CFAP73: variants seen among roughly 807,000 people sequenced by gnomAD.
CFAP73 encodes the protein cilia and flagella associated protein 73.
CFAP73 carries 33 observed loss-of-function variants against 42.9 expected under a neutral mutation model. That is an observed-to-expected ratio of 0.77 (90% CI 0.58 to 1.03). The LOEUF is 1.03. Among genes scored for constraint, CFAP73 ranks in the 50% least tolerant of loss-of-function variants. CFAP73 has a pLI of 0.00. For synonymous variants in CFAP73, 162 were observed against 186.8 expected (o/e 0.87, Z 1.08); for missense variants, 392 against 411.9 (o/e 0.95, Z 0.42).
At chr12:113,153,061 G>A in intron 3 of CFAP73, 147 bp from the exon 4 acceptor site, 1 of 940,146 alleles carries the variant, frequency 1.1e-6, no homozygotes, top group South Asian at 1.8e-5. Context: ...AAAGCGGGCG[G>A]GGGAGTTGGG....
intron 2 of CFAP73, among the ~76,000 whole-genome samples, chr12:113,152,365 A>G (rs1952071895): frequency 6.6e-6 from 1 of 152,146 alleles, no homozygotes; most frequent in African/African-American, 2.4e-5. Flanking sequence ...CTACCTCCCC[A>G]TGGGGGTGGT....
intron 4 of CFAP73, 58 bp downstream of exon 4, chr12:113,153,466 A>G: frequency 7.5e-7 from 1 of 1,325,708 alleles, no homozygotes; most frequent in Non-Finnish European, 9.7e-7. Flanking sequence ...TGAGTGGCTC[A>G]GGGACGGCTT....
At position 113,154,509 on chromosome 12, in the gene CFAP73, G is replaced by A; in HGVS notation, c.564G>A (p.Leu188=). The change falls in exon 5 of 8, where the codon CTG becomes CTA. Residue 188 remains leucine (L), a synonymous_variant. Transcript: ENST00000335621. This position sits in a 1 kb window ranked among gnomAD's most constrained non-coding sequence, Gnocchi z 4.7. The part of the protein sequence containing the change: ...RLREREQLAE[L]EAARARLQQL... ...GGGAGCGCGAGCAGCTCGCGGAGCT[G>A]GAGGCGGCGCGAGCGCGGCTGCAGC... is the stretch of plus-strand genomic sequence containing the variant. 2 of 1,524,652 alleles carry A rather than the reference G, an allele frequency of 1.3e-6. No homozygotes were observed. Among genetic ancestry groups the A allele is most frequent in the African/African-American group, 1.4e-5 (1 of 69,956 alleles). The allele number at this position is 1,524,652 out of a possible 1,614,324, so 94.4% of individuals were successfully genotyped here.
chr12:113,152,708 G>A (rs1566087665), intron 2 of CFAP73, 75 bp from the exon 3 acceptor site: 1 of 1,014,740 alleles, frequency 9.9e-7, no homozygotes, highest in Non-Finnish European at 1.5e-6. Flanking sequence ...GGTGGAAGGG[G>A]TTAGGTGTGA....
intron 6 of CFAP73, 34 bp from the exon 7 acceptor site, chr12:113,157,568 G>T: frequency 6.5e-7 from 1 of 1,543,210 alleles, no homozygotes. Flanking sequence ...GTGACTCTGG[G>T]GCTGGGATGT....
rs768451631 is a variant in CFAP73 at position 113,153,453 on chromosome 12, CGCT to C, written c.468+47_468+49del. The C allele has an allele frequency of 3.9e-4, 525 of 1,359,188 alleles. 6 individuals carry two copies. Among genetic ancestry groups the C allele is most frequent in the Non-Finnish European group, 9.7e-5 (102 of 1,055,860 alleles). 84.2% of individuals were successfully genotyped at this position (1,359,188 alleles called of 1,614,324 possible). On this transcript the variant is annotated intron_variant, in intron 4 of 7. Coordinates refer to ENST00000335621, the MANE Select transcript of CFAP73 (RefSeq NM_001144872.3). ...CTGGGAGCTCGGCGCCACCGCGTGG[CGCT>C]GAGTGGCTCAGGGACGGCTTCGGAC...
In CFAP73 at chr12:113,158,855, C is replaced by A; in HGVS notation, c.*166C>A. 6.4e-7 allele frequency: 1 copy of A among 1,569,828 alleles called. No homozygotes were observed. The highest frequency in any genetic ancestry group is 8.7e-7 in the Non-Finnish European group (1 of 1,152,260). The stretch of plus-strand genomic sequence containing the variant: ...GCCCACCCTAAGGCCAATCAAGGAG[C>A]CACGGGGCTGGGTCCTGGTCCTCAC... On this transcript the variant is annotated 3_prime_UTR_variant, in exon 8 of 8. Transcript: ENST00000335621. The surrounding 1 kb of genome is among the most constrained non-coding windows in gnomAD (Gnocchi z 4.9).
intron 2 of CFAP73, among the ~76,000 whole-genome samples, chr12:113,152,487 T>C (rs1952072986): frequency 6.6e-6 from 1 of 152,122 alleles, no homozygotes. Flanking sequence ...AGGAAAACCA[T>C]ACACAAAGAC....
intron 1 of CFAP73, 53 bp from the exon 2 acceptor site, chr12:113,151,865 G>T: frequency 7.8e-7 from 1 of 1,276,272 alleles, no homozygotes; most frequent in South Asian, 1.3e-5. Flanking sequence ...GGTGAGATGT[G>T]GGGCCCTGAA....
intron 6 of CFAP73, among the ~76,000 whole-genome samples, chr12:113,155,953 A>G (rs1458964194): frequency 3.4e-5 from 5 of 145,120 alleles, no homozygotes; most frequent in African/African-American, 1.3e-4. Context: ...TTTGAGACAG[A>G]GTCTAGTTCT....
intron 6 of CFAP73, among the ~76,000 whole-genome samples, chr12:113,156,420 C>T (rs574263503): frequency 9.7e-4 from 147 of 151,736 alleles, no homozygotes; most frequent in African/African-American, 3.4e-3. Context: ...TCTTAAGACA[C>T]GAGTCTGCCA....
intron 5 of CFAP73, 45 bp from the exon 6 acceptor site, chr12:113,155,215 C>T (rs1324906820): frequency 1.4e-6 from 2 of 1,477,368 alleles, no homozygotes; most frequent in Admixed American, 2.4e-5. Flanking sequence ...GGCAGCCCGC[C>T]TTGGCCCAGT....
intron 1 of CFAP73, among the ~76,000 whole-genome samples, chr12:113,151,372 C>T (rs1325864729): frequency 6.6e-6 from 1 of 152,174 alleles, no homozygotes; most frequent in Non-Finnish European, 1.5e-5. Context: ...ATCCCAGCTA[C>T]TTGGGAGGCT....
In CFAP73 at chr12:113,158,854, GC is replaced by G. The variant is rs1952167810; in HGVS notation, c.*167del. 6.4e-7 allele frequency: 1 copy of G among 1,569,068 alleles called. No individual in the cohort carries two copies. The highest frequency in any genetic ancestry group is 8.7e-7 in the Non-Finnish European group (1 of 1,151,944). ...TGCCCACCCTAAGGCCAATCAAGGA[GC>G]CACGGGGCTGGGTCCTGGTCCTCAC... On this transcript the variant is annotated 3_prime_UTR_variant, in exon 8 of 8. Coordinates refer to ENST00000335621, the MANE Select transcript of CFAP73 (RefSeq NM_001144872.3). The surrounding 1 kb of genome is among the most constrained non-coding windows in gnomAD (Gnocchi z 4.9).
rs775014742 is a variant in CFAP73, at chr12:113,158,900, CCTT to C, written c.*215_*217del. 1.2e-6 allele frequency: 2 copies of C among 1,606,064 alleles called. No homozygotes were observed. The highest frequency in any genetic ancestry group is 2.7e-5 in the African/African-American group (2 of 74,912). On this transcript the variant is annotated 3_prime_UTR_variant, in exon 8 of 8. Coordinates refer to ENST00000335621, the MANE Select transcript of CFAP73 (RefSeq NM_001144872.3). This position sits in a 1 kb window ranked among gnomAD's most constrained non-coding sequence, Gnocchi z 4.9. ...CCTCACATCCTCTTCCGCATCTTGCCCTTCTTGGAGCGGGCACCCCGGCCGAAG... is the reference window on the plus strand; with the variant it reads ...CCTCACATCCTCTTCCGCATCTTGCCCTTGGAGCGGGCACCCCGGCCGAAG...
intron 6 of CFAP73, 148 bp downstream of exon 6, chr12:113,155,566 T>C (rs1333298100): frequency 2.2e-5 from 19 of 854,616 alleles, no homozygotes; most frequent in Non-Finnish European, 2.9e-5. Flanking sequence ...GGCTCGATTG[T>C]CGGGCAGGCA....
chr12:113,155,247 G>A lies in CFAP73; in HGVS notation c.691-13G>A, dbSNP rs906287038. ...CAGTTGCCATAATTGGGAGTGGGGC[G>A]GGTGTTCTCCAGGAATCCAAGTGGA... On this transcript the variant is annotated splice_polypyrimidine_tract_variant and intron_variant, in intron 5 of 7. Coordinates refer to ENST00000335621, the MANE Select transcript of CFAP73 (RefSeq NM_001144872.3). 10 of 1,518,792 alleles carry A rather than the reference G, an allele frequency of 6.6e-6. No homozygotes were observed. Among genetic ancestry groups the A allele is most frequent in the Non-Finnish European group, 8.9e-6 (10 of 1,122,730 alleles). 94.1% of individuals were successfully genotyped at this position (1,518,792 alleles called of 1,614,324 possible).
Position 113,153,386 on chromosome 12 carries a change from A to T in CFAP73, c.446A>T (p.Gln149Leu). ...GAGCCCTGCGCGCGCCTGCTGGAGCAAGCGCTGGAGCTGCTGCCCGGGGTG... is the reference window on the plus strand; with the variant it reads ...GAGCCCTGCGCGCGCCTGCTGGAGCTAGCGCTGGAGCTGCTGCCCGGGGTG... ...RLEPCARLLE[Q>L]ALELLPGFQE... The change falls in exon 4 of 8, where the codon CAA becomes CTA. Residue 149 changes from glutamine (Q) to leucine (L), a missense_variant. Coordinates refer to ENST00000335621, the MANE Select transcript of CFAP73 (RefSeq NM_001144872.3). 6.8e-7 allele frequency: 1 copy of T among 1,462,256 alleles called. No homozygotes were observed. Among genetic ancestry groups the T allele is most frequent in the South Asian group, 1.3e-5 (1 of 74,568 alleles). The allele number at this position is 1,462,256 out of a possible 1,614,324, so 90.6% of individuals were successfully genotyped here.
intron 1 of CFAP73, among the ~76,000 whole-genome samples, 195 bp downstream of exon 1, chr12:113,150,108 G>C (rs1952048974): frequency 6.6e-6 from 1 of 152,134 alleles, no homozygotes; most frequent in Admixed American, 6.5e-5. Flanking sequence ...GATCGTTCCT[G>C]ATCCCCCACC....
Sources: gnomAD v4.1 joint callset for allele counts (sites outside exome capture counted in the v4.1 genomes callset) on GRCh38, gnomAD v4.1.1 for gene constraint, Gnocchi (gnomAD v3.1) non-coding constraint, MANE v1.5 for transcripts, NCBI Gene and HGNC (gene_info 2026-07-23, HGNC 2026-07-21) for gene names.